The following CNIH3 variants were observed in gnomAD, a reference collection of about 807,000 sequenced individuals.
CNIH3 encodes protein cornichon homolog 3.
Under a neutral mutation model 24.1 loss-of-function variants are expected in CNIH3, and 14 were observed. The observed-to-expected ratio is 0.58, with a 90% CI of 0.38 to 0.91. The LOEUF (loss-of-function observed/expected upper bound fraction) is 0.91, where lower values mean the gene tolerates loss of function less well. Ranked by LOEUF, CNIH3 falls within the 40% of genes least tolerant of loss-of-function variation. The pLI, the probability that CNIH3 is intolerant of heterozygous loss-of-function variation, is 0.00. For missense variants in CNIH3, 178 were observed against 196.8 expected, an observed-to-expected ratio of 0.90 and a Z score of 0.57; for synonymous variants, 68 against 73.8, an observed-to-expected ratio of 0.92 and a Z score of 0.40.
chr1:224,570,736 T>C (rs149248537), intron 4 of CNIH3, among the ~76,000 whole-genome samples: 7 of 152,212 alleles, frequency 4.6e-5, no homozygotes, highest in Non-Finnish European at 8.8e-5. Context: ...TTGTATAAAC[T>C]ATTTATACAA....
intron 1 of CNIH3, among the ~76,000 whole-genome samples, chr1:224,469,820 A>G (rs1165311768): frequency 2.0e-5 from 3 of 152,206 alleles, no homozygotes; most frequent in Non-Finnish European, 4.4e-5. Flanking sequence ...TCCTTTGGTT[A>G]GATCAATATT....
At chr1:224,522,163 A>G (rs1678661559) in intron 2 of CNIH3, among the ~76,000 whole-genome samples, 1 of 152,218 alleles carries the variant, frequency 6.6e-6, no homozygotes, top group African/African-American at 2.4e-5. Context: ...TGAAGTTCTT[A>G]GTGAGTTCCT....
intron 3 of CNIH3, among the ~76,000 whole-genome samples, chr1:224,560,783 A>G (rs1680337704): frequency 6.6e-6 from 1 of 152,138 alleles, no homozygotes. Context: ...TTACAATGTA[A>G]TAATAGAAAT....
chr1:224,481,926 T>G (rs1007309651), intron 1 of CNIH3, among the ~76,000 whole-genome samples: 1 of 152,224 alleles, frequency 6.6e-6, no homozygotes, highest in African/African-American at 2.4e-5. Context: ...TCTATTCTAC[T>G]GTGGCTGAGC....
chr1:224,576,385 C>T (rs1418007638), intron 4 of CNIH3, among the ~76,000 whole-genome samples: 1 of 152,210 alleles, frequency 6.6e-6, no homozygotes, highest in Non-Finnish European at 1.5e-5. Context: ...AGTCCCCCTT[C>T]CATTCCCAAC....
chr1:224,636,914 T>G (rs944584405), intron 1 of CNIH3, among the ~76,000 whole-genome samples: 2 of 152,144 alleles, frequency 1.3e-5, no homozygotes, highest in African/African-American at 4.8e-5. Context: ...TCTAATCTAT[T>G]ATCTGTCTAT....
intron 1 of CNIH3, among the ~76,000 whole-genome samples, chr1:224,501,970 G>A (rs560922486): frequency 1.3e-5 from 2 of 152,304 alleles, no homozygotes; most frequent in African/African-American, 4.8e-5. Flanking sequence ...AGGTAGGGTG[G>A]AGGGGCAGAG....
At chr1:224,480,498 A>C (rs755238757) in intron 1 of CNIH3, among the ~76,000 whole-genome samples, 9 of 152,174 alleles carry the variant, frequency 5.9e-5, no homozygotes, top group Non-Finnish European at 7.4e-5. Flanking sequence ...CCAGGCTGCA[A>C]ATTTTCTGAA....
intron 1 of CNIH3, among the ~76,000 whole-genome samples, chr1:224,656,249 C>A (rs1333639574): frequency 6.6e-6 from 1 of 152,288 alleles, no homozygotes; most frequent in Admixed American, 6.5e-5. Flanking sequence ...TTGCATCTGG[C>A]GCACTGGAAG....
intron 1 of CNIH3, among the ~76,000 whole-genome samples, chr1:224,631,877 A>G (rs1265931863): frequency 2.0e-5 from 3 of 152,222 alleles, no homozygotes; most frequent in Non-Finnish European, 4.4e-5. Flanking sequence ...AAGAGTTGAT[A>G]GCAACATAGC....
At chr1:224,558,089 G>A (rs1469628082) in intron 3 of CNIH3, among the ~76,000 whole-genome samples, 1 of 152,172 alleles carries the variant, frequency 6.6e-6, no homozygotes, top group Non-Finnish European at 1.5e-5. Flanking sequence ...GGCTCAGCTG[G>A]GAAGTTCTTC....
chr1:224,490,521 G>A (rs1677201236), intron 1 of CNIH3, among the ~76,000 whole-genome samples: 2 of 152,170 alleles, frequency 1.3e-5, no homozygotes, highest in Admixed American at 1.3e-4. Context: ...TTTCTCGCAT[G>A]CAGATTTGAC....
chr1:224,687,561 C>T (rs955244382), intron 3 of CNIH3, among the ~76,000 whole-genome samples: 1 of 152,148 alleles, frequency 6.6e-6, no homozygotes, highest in Admixed American at 6.5e-5. Flanking sequence ...TGTGGAATCT[C>T]CCTCCTCCTC....
chr1:224,521,666 A>G (rs560828789), intron 2 of CNIH3: 1 of 152,322 alleles, frequency 6.6e-6, no homozygotes, highest in South Asian at 2.1e-4. Context: ...CTGCCTACCT[A>G]CCTGAATGAA....
chr1:224,594,967 G>A (rs944585911), intron 3 of CNIH3, among the ~76,000 whole-genome samples: 2 of 152,138 alleles, frequency 1.3e-5, no homozygotes, highest in Admixed American at 6.5e-5. Context: ...CAAATTGAAG[G>A]TTCATGAGAA....
chr1:224,494,680 T>C (rs1379704768), intron 1 of CNIH3, among the ~76,000 whole-genome samples: 1 of 152,144 alleles, frequency 6.6e-6, no homozygotes, highest in Non-Finnish European at 1.5e-5. Context: ...AAAGACCTCT[T>C]TGGGATTCTG....
chr1:224,510,741 A>C (rs1357359395), intron 1 of CNIH3, among the ~76,000 whole-genome samples: 1 of 152,200 alleles, frequency 6.6e-6, no homozygotes, highest in Non-Finnish European at 1.5e-5. Context: ...GGGTTCCAGG[A>C]TGGCACAACC....
downstream of CNIH3, among the ~76,000 whole-genome samples, chr1:224,589,133 C>G (rs1200436242): frequency 6.6e-6 from 1 of 152,034 alleles, no homozygotes; most frequent in Admixed American, 6.6e-5. Context: ...TTGAAACTTT[C>G]TAAGTTTGGA....
intron 1 of CNIH3, among the ~76,000 whole-genome samples, chr1:224,666,036 A>G (rs1168184715): frequency 1.3e-5 from 2 of 152,160 alleles, no homozygotes; most frequent in African/African-American, 4.8e-5. Flanking sequence ...AGCTTTCCCA[A>G]GGAGTTCTGA....
Sources: gnomAD v4.1 joint callset for allele counts (sites outside exome capture counted in the v4.1 genomes callset) on GRCh38, gnomAD v4.1.1 for gene constraint, MANE v1.5 for transcripts, NCBI Gene and HGNC (gene_info 2026-07-23, HGNC 2026-07-21) for gene names.